GAREM1: variants seen among roughly 807,000 people sequenced by gnomAD.
The protein encoded by GAREM1 is GRB2-associated and regulator of MAPK protein 1.
A neutral mutation model predicts 71.3 loss-of-function variants in GAREM1; 26 were observed. The observed-to-expected ratio is 0.36, with a 90% CI of 0.27 to 0.51. The LOEUF (loss-of-function observed/expected upper bound fraction) is 0.51. GAREM1 is among the 20% of genes least tolerant of loss of function. The pLI, the probability that GAREM1 is intolerant of heterozygous loss-of-function variation, is 0.95. For synonymous variants in GAREM1, 440 were observed against 433.2 expected, an observed-to-expected ratio of 1.02 and a Z score of -0.20; for missense variants, 1,026 against 1,103.1, an observed-to-expected ratio of 0.93 and a Z score of 0.99.
At chr18:32,374,683 C>T (rs1173974624) in intron 2 of GAREM1, among the ~76,000 whole-genome samples, 1 of 152,132 alleles carries the variant, frequency 6.6e-6, no homozygotes, top group Non-Finnish European at 1.5e-5. Context: ...ATAATATGTG[C>T]CTTGAGAAGA....
chr18:32,383,046 G>C (rs2048112654), intron 2 of GAREM1, among the ~76,000 whole-genome samples: 1 of 152,170 alleles, frequency 6.6e-6, no homozygotes, highest in Admixed American at 6.5e-5. Flanking sequence ...TACCTACAAT[G>C]ATTTTTAACA....
intron 3 of GAREM1, among the ~76,000 whole-genome samples, chr18:32,291,654 C>G (rs2047088707): frequency 6.6e-6 from 1 of 151,530 alleles, no homozygotes; most frequent in Non-Finnish European, 1.5e-5. Context: ...TAGCCCCCCA[C>G]CCCCCAACAG....
intron 1 of GAREM1, among the ~76,000 whole-genome samples, chr18:32,423,594 T>C (rs530600146): frequency 1.3e-5 from 2 of 152,292 alleles, no homozygotes; most frequent in Admixed American, 6.5e-5. Context: ...AAGAGCTCTT[T>C]AAAATCATCA....
chr18:32,312,778 T>C (rs1312410033), intron 2 of GAREM1, among the ~76,000 whole-genome samples: 1 of 152,084 alleles, frequency 6.6e-6, no homozygotes, highest in Admixed American at 6.6e-5. Flanking sequence ...AACCCAATTG[T>C]TGAGCAGGCA....
intron 4 of GAREM1, among the ~76,000 whole-genome samples, chr18:32,277,971 T>C (rs919914331): frequency 2.6e-5 from 4 of 152,198 alleles, no homozygotes; most frequent in Admixed American, 1.3e-4. Flanking sequence ...TCTCTGATAC[T>C]TCCTAGGGGT....
At chr18:32,350,784 C>T (rs1598981441) in intron 2 of GAREM1, among the ~76,000 whole-genome samples, 1 of 152,110 alleles carries the variant, frequency 6.6e-6, no homozygotes, top group Admixed American at 6.5e-5. Flanking sequence ...CTTCTGGTTT[C>T]AAAGTATACA....
chr18:32,307,196 T>C (rs1017514479), intron 3 of GAREM1, among the ~76,000 whole-genome samples: 1 of 152,308 alleles, frequency 6.6e-6, no homozygotes, highest in East Asian at 1.9e-4. Flanking sequence ...TATATCAGGA[T>C]ACATATGTAT....
chr18:32,405,893 C>G (rs2048360924), intron 1 of GAREM1, among the ~76,000 whole-genome samples: 1 of 152,216 alleles, frequency 6.6e-6, no homozygotes, highest in Non-Finnish European at 1.5e-5. Context: ...AAATACCATT[C>G]TACTGTGATA....
intron 5 of GAREM1, among the ~76,000 whole-genome samples, 187 bp from the exon 6 acceptor site, chr18:32,268,955 A>G (rs2041417121): frequency 6.6e-6 from 1 of 152,168 alleles, no homozygotes; most frequent in Non-Finnish European, 1.5e-5. Flanking sequence ...GTAATTGTAG[A>G]TATGTACATA....
At chr18:32,429,870 G>GA (rs917289071) in intron 1 of GAREM1, among the ~76,000 whole-genome samples, 4 of 152,014 alleles carry the variant, frequency 2.6e-5, no homozygotes, top group Non-Finnish European at 4.4e-5. Flanking sequence ...ATGTAAGATA[G>GA]AAAAAAACAA....
At chr18:32,420,329 T>C (rs2048507818) in intron 1 of GAREM1, among the ~76,000 whole-genome samples, 1 of 151,318 alleles carries the variant, frequency 6.6e-6, no homozygotes, top group African/African-American at 2.4e-5. Flanking sequence ...TTTGCCAAAA[T>C]GACTATATTA....
At chr18:32,346,926 G>A (rs527433759) in intron 2 of GAREM1, among the ~76,000 whole-genome samples, 1 of 152,048 alleles carries the variant, frequency 6.6e-6, no homozygotes, top group Non-Finnish European at 1.5e-5. Flanking sequence ...AGAGGAGAGA[G>A]GAGACGCTGT....
At chr18:32,274,579 C>G (rs570893645) in intron 4 of GAREM1, among the ~76,000 whole-genome samples, 26 of 152,278 alleles carry the variant, frequency 1.7e-4, no homozygotes, top group Admixed American at 3.3e-4. Context: ...AGGCTCTGTG[C>G]GACCAGGCTC....
At chr18:32,380,916 C>T (rs372777185) in intron 2 of GAREM1, among the ~76,000 whole-genome samples, 2 of 152,084 alleles carry the variant, frequency 1.3e-5, no homozygotes, top group African/African-American at 4.8e-5. Flanking sequence ...CTACCAAACA[C>T]ATATTCTCCC....
intron 2 of GAREM1, among the ~76,000 whole-genome samples, chr18:32,314,844 C>T (rs1489978848): frequency 6.6e-6 from 1 of 152,094 alleles, no homozygotes; most frequent in Admixed American, 6.5e-5. Context: ...GCCTCAGCCT[C>T]CCAAAGTGCT....
At chr18:32,349,975 A>C (rs1490772135) in intron 2 of GAREM1, among the ~76,000 whole-genome samples, 1 of 152,248 alleles carries the variant, frequency 6.6e-6, no homozygotes, top group Non-Finnish European at 1.5e-5. Flanking sequence ...CAACTCTGGC[A>C]GGGCTCCAAG....
chr18:32,324,531 T>A (rs2047457496), intron 2 of GAREM1, among the ~76,000 whole-genome samples: 1 of 152,144 alleles, frequency 6.6e-6, no homozygotes, highest in Non-Finnish European at 1.5e-5. Flanking sequence ...TGATTAAAAC[T>A]CCATGTACAG....
intron 3 of GAREM1, among the ~76,000 whole-genome samples, chr18:32,308,263 A>AT (rs2047277193): frequency 7.5e-6 from 1 of 134,020 alleles, no homozygotes; most frequent in Non-Finnish European, 1.7e-5. Flanking sequence ...GGTATTCTAT[A>AT]TTAAAAAAAG....
intron 1 of GAREM1, among the ~76,000 whole-genome samples, chr18:32,396,784 C>T (rs1338091537): frequency 1.3e-5 from 2 of 152,028 alleles, no homozygotes; most frequent in African/African-American, 4.8e-5. Context: ...GGCCAACATT[C>T]AAATACAGGA....
Sources: allele counts gnomAD v4.1 joint callset (sites outside exome capture counted in the v4.1 genomes callset), GRCh38; gene constraint gnomAD v4.1.1; transcripts MANE v1.5; gene names NCBI Gene and HGNC (gene_info 2026-07-23, HGNC 2026-07-21).